KDM7A: variants seen among roughly 807,000 people sequenced by gnomAD.
KDM7A encodes the protein lysine demethylase 7A, also known as lysine-specific demethylase 7A.
In KDM7A, 28 loss-of-function variants were observed where a neutral mutation model predicts 114.8. That is an observed-to-expected ratio of 0.24 (90% confidence interval 0.18 to 0.33). The LOEUF (loss-of-function observed/expected upper bound fraction) is 0.33, where lower values mean the gene tolerates loss of function less well. KDM7A is among the 10% of genes least tolerant of loss of function. The probability of loss-of-function intolerance (pLI) is 1.00; values close to 1 mark genes in which losing one functional copy is unlikely to be tolerated. For missense variants in KDM7A, 942 were observed against 1,142.5 expected (o/e 0.82, Z 2.53); for synonymous variants, 423 against 397.8 (o/e 1.06, Z -0.75).
chr7:140,124,707 G>C lies in KDM7A; in HGVS notation c.965C>G (p.Thr322Ser), dbSNP rs759920332. ...ARYESWSSSV[T>S]QSEVFFGDKV... Reference sequence around the variant, plus strand: ...ATCTCCAAAGAACACCTCACTCTGGGTCACAGATGAACTCCAAGATTCATA... The same window carrying C: ...ATCTCCAAAGAACACCTCACTCTGGCTCACAGATGAACTCCAAGATTCATA... The change falls in exon 7 of 20, where the codon ACC (threonine) becomes AGC (serine). Residue 322 changes from threonine (T) to serine (S), a missense_variant. Transcript: ENST00000397560. The C allele has an allele frequency of 1.1e-5, 17 of 1,612,994 alleles. No individual in the cohort carries two copies. The Middle Eastern group carries it at 2.5e-3, about 235-fold the overall frequency.
At chr7:140,092,902 C>T (rs1017351002) in intron 18 of KDM7A, among the ~76,000 whole-genome samples, 1 of 152,064 alleles carries the variant, frequency 6.6e-6, no homozygotes, top group Non-Finnish European at 1.5e-5. Flanking sequence ...TAAAATCATA[C>T]ACCGAAAAGT....
chr7:140,139,219 G>A, intron 1 of KDM7A, 29 bp from the exon 2 acceptor site: 3 of 1,503,314 alleles, frequency 2.0e-6, no homozygotes, highest in Non-Finnish European at 2.8e-6. Flanking sequence ...AAATCAGTAT[G>A]TAAGTAAGTT....
At chr7:140,100,688 A>ATATATATATATATATGTG (rs1491539218) in intron 12 of KDM7A, among the ~76,000 whole-genome samples, 1 of 20,962 alleles carries the variant, frequency 4.8e-5, no homozygotes, top group African/African-American at 1.7e-4. Context: ...ATACATATAT[A>ATATATATATATATATGTG]CATATATATA....
rs1562945809 is a variant in KDM7A at position 140,100,661 on chromosome 7, TA to T, written c.1639-639del. 1.6e-3 allele frequency among the ~76,000 whole-genome samples: 65 copies of T among 40,742 alleles called. 2 individuals are homozygous for T. Among genetic ancestry groups the T allele is most frequent in the African/African-American group, 3.7e-3 (43 of 11,534 alleles). The allele number at this position is 40,742 out of a possible 152,430, so 26.7% of individuals were successfully genotyped here. ...TACAATTTAAAATATTTTAAAAAGTTATATATATATATATATATACATATAT... is the reference window on the plus strand; with the variant it reads ...TACAATTTAAAATATTTTAAAAAGTTTATATATATATATATATACATATAT... On this transcript the variant is annotated intron_variant, in intron 12 of 19. Transcript: ENST00000397560.
chr7:140,126,926 T>C (rs1818714614), intron 5 of KDM7A, 103 bp from the exon 6 acceptor site: 1 of 842,422 alleles, frequency 1.2e-6, no homozygotes, highest in Non-Finnish European at 1.9e-6. Flanking sequence ...TAAATGGAAC[T>C]TAAGGTTAAC....
At position 140,154,752 on chromosome 7, in the gene KDM7A, T is replaced by C. The variant is rs201416174; in HGVS notation, c.195-15562A>G. ...GGTCTTTCTCTCTCTCTCTCCCTTTTTTTTTCCCCACAAAACACTTCATGG... is the reference window on the plus strand; with the variant it reads ...GGTCTTTCTCTCTCTCTCTCCCTTTCTTTTTCCCCACAAAACACTTCATGG... On this transcript the variant is annotated intron_variant, in intron 1 of 19. Coordinates refer to ENST00000397560, the MANE Select transcript of KDM7A (RefSeq NM_030647.2). Among the ~76,000 whole-genome samples the C allele has an allele frequency of 2.0e-4, 31 of 152,168 alleles. No homozygotes were observed. The East Asian group carries it at 4.8e-3, about 24-fold the overall frequency.
intron 1 of KDM7A, among the ~76,000 whole-genome samples, chr7:140,148,281 G>A (rs1235386177): frequency 6.6e-6 from 1 of 151,872 alleles, no homozygotes; most frequent in Non-Finnish European, 1.5e-5. Flanking sequence ...TGGTGGAGTT[G>A]AGAAAAATCT....
At position 140,126,837 on chromosome 7, in the gene KDM7A, A is replaced by C. The variant is rs761004597; in HGVS notation, c.702-14T>G. 6.3e-7 allele frequency: 1 copy of C among 1,599,626 alleles called. No individual in the cohort carries two copies. Among genetic ancestry groups the C allele is most frequent in the Non-Finnish European group, 8.6e-7 (1 of 1,168,792 alleles). ...AATTCAGACATCCTTTCAAAAAACA[A>C]ACATACACACACACCCACATCATGC... On this transcript the variant is annotated splice_polypyrimidine_tract_variant and intron_variant, in intron 5 of 19. Coordinates refer to ENST00000397560, the MANE Select transcript of KDM7A (RefSeq NM_030647.2).
intron 1 of KDM7A, among the ~76,000 whole-genome samples, chr7:140,172,489 TA>T (rs1794656834): frequency 6.6e-6 from 1 of 151,626 alleles, no homozygotes; most frequent in Non-Finnish European, 1.5e-5. Flanking sequence ...CCATCTCTAC[TA>T]AAAATACAAA....
At chr7:140,106,250 T>C (rs1818336756) in intron 11 of KDM7A, among the ~76,000 whole-genome samples, 1 of 152,148 alleles carries the variant, frequency 6.6e-6, no homozygotes, top group Non-Finnish European at 1.5e-5. Context: ...CTAGATTCAT[T>C]GATTTTTTTG....
intron 1 of KDM7A, among the ~76,000 whole-genome samples, chr7:140,162,334 T>C (rs1436780790): frequency 5.6e-5 from 6 of 106,284 alleles, no homozygotes; most frequent in African/African-American, 1.1e-4. Flanking sequence ...AAACTCAGTC[T>C]CCCAAAAAAA....
At chr7:140,129,346 T>C (rs1333697164) in intron 4 of KDM7A, 147 bp downstream of exon 4, 2 of 652,062 alleles carry the variant, frequency 3.1e-6, no homozygotes, top group Admixed American at 3.1e-5. Flanking sequence ...TGAGAAAAAC[T>C]AGTTTTCAAT....
Position 140,102,046 on chromosome 7 carries a change from G to A in KDM7A, c.1543C>T (p.Arg515Ter). ...YHSRRKMRKL[R>*]DHNVRTPSNL... ...GAAGGAGTTCGGACATTATGATCTC[G>A]AAGTTTCCTCATCTTTCTTCGGGAA... is the stretch of plus-strand genomic sequence containing the variant. The change falls in exon 12 of 20, where the codon CGA (arginine) becomes TGA (stop). Residue 515 changes from arginine to a stop codon, truncating the protein, a stop_gained. Transcript: ENST00000397560. LOFTEE classifies it high-confidence loss of function. 1 of 1,613,934 alleles carries A rather than the reference G, an allele frequency of 6.2e-7. No individual in the cohort carries two copies. The highest frequency in any genetic ancestry group is 8.5e-7 in the Non-Finnish European group (1 of 1,179,834).
At chr7:140,102,901 C>T (rs1818256085) in intron 11 of KDM7A, among the ~76,000 whole-genome samples, 2 of 152,102 alleles carry the variant, frequency 1.3e-5, no homozygotes, top group Admixed American at 1.3e-4. Context: ...ATAGCAGCCT[C>T]CTCTTCCCCA....
chr7:140,137,966 C>G (rs1189707839), intron 2 of KDM7A, among the ~76,000 whole-genome samples: 1 of 152,080 alleles, frequency 6.6e-6, no homozygotes, highest in Non-Finnish European at 1.5e-5. Context: ...AATGACAAAG[C>G]CTATAATTTT....
At chr7:140,126,860 T>G in intron 5 of KDM7A, 37 bp from the exon 6 acceptor site, 1 of 1,450,270 alleles carries the variant, frequency 6.9e-7, no homozygotes, top group Non-Finnish European at 9.4e-7. Flanking sequence ...ACCCACATCA[T>G]GCAAATTAAA....
At chr7:140,103,725 G>C (rs1017984878) in intron 11 of KDM7A, among the ~76,000 whole-genome samples, 1 of 152,170 alleles carries the variant, frequency 6.6e-6, no homozygotes, top group Non-Finnish European at 1.5e-5. Flanking sequence ...GGACATTTGG[G>C]TTGGTTCCAA....
intron 1 of KDM7A, among the ~76,000 whole-genome samples, chr7:140,171,108 A>G (rs1349565716): frequency 1.3e-5 from 2 of 152,050 alleles, no homozygotes; most frequent in Non-Finnish European, 2.9e-5. Context: ...ACTTCAGTGC[A>G]CATGCAGCTC....
chr7:140,100,717 T>TACACAC (rs1562946076), intron 12 of KDM7A, among the ~76,000 whole-genome samples: 1 of 53,270 alleles, frequency 1.9e-5, no homozygotes, highest in South Asian at 6.4e-4. Context: ...TACACATATA[T>TACACAC]ATATATATAT....
Sources: allele counts gnomAD v4.1 joint callset (sites outside exome capture counted in the v4.1 genomes callset), GRCh38; gene constraint gnomAD v4.1.1; transcripts MANE v1.5; gene names NCBI Gene and HGNC (gene_info 2026-07-23, HGNC 2026-07-21).